Variants in ZNF148 observed in about 807,000 individuals in gnomAD.
ZNF148 encodes the protein zinc finger protein 148.
ZNF148 carries 7 observed loss-of-function variants against 67.7 expected under a neutral mutation model. That is an observed-to-expected ratio of 0.10 (90% CI 0.06 to 0.19). The LOEUF is 0.19. ZNF148 is among the 10% of genes least tolerant of loss of function. The pLI, the probability that ZNF148 is intolerant of heterozygous loss-of-function variation, is 1.00. For synonymous variants in ZNF148, 333 were observed against 330.7 expected (o/e 1.01, Z -0.08); for missense variants, 583 against 947.1 (o/e 0.62, Z 5.05).
chr3:125,356,837 C>G (rs1942358824), intron 1 of ZNF148: 2 of 152,170 alleles, frequency 1.3e-5, no homozygotes, highest in Admixed American at 1.3e-4. Flanking sequence ...AAGTTTGCCC[C>G]ACAGCCCAAT....
Position 125,230,507 on chromosome 3 carries a change from C to A in ZNF148, c.*1834G>T, listed in dbSNP as rs985127280. 1 of 152,394 alleles carries A rather than the reference C, an allele frequency of 6.6e-6. No homozygotes were observed. The allele number at this position is 152,394 out of a possible 1,614,324, so 9.4% of individuals were successfully genotyped here. On this transcript the variant is annotated 3_prime_UTR_variant, in exon 9 of 9. Transcript: ENST00000360647. ...CTTAATAACCAAAGTATACAGGAAA[C>A]CACATTAAATATAATTTATATTCCT...
At chr3:125,334,252 C>T (rs1941403176) in intron 1 of ZNF148, among the ~76,000 whole-genome samples, 1 of 152,170 alleles carries the variant, frequency 6.6e-6, no homozygotes, top group Non-Finnish European at 1.5e-5. Flanking sequence ...TTGTCATTAA[C>T]TCAGTCAACA....
At chr3:125,281,349 C>T (rs936036542) in intron 5 of ZNF148, among the ~76,000 whole-genome samples, 1 of 152,094 alleles carries the variant, frequency 6.6e-6, no homozygotes, top group Non-Finnish European at 1.5e-5. Flanking sequence ...GGAAAACACA[C>T]AAAATCTTTT....
rs1398597151 is a variant in ZNF148 at position 125,226,929 on chromosome 3, C to T, written c.*5412G>A. ...AAGTTTCATTGCAAAGCAACTGTCACCTGAGTAGATTTTAAAATTTAGTGC... is the reference window on the plus strand; with the variant it reads ...AAGTTTCATTGCAAAGCAACTGTCATCTGAGTAGATTTTAAAATTTAGTGC... On this transcript the variant is annotated 3_prime_UTR_variant, in exon 9 of 9. Transcript: ENST00000360647. 1 of 152,104 alleles carries T rather than the reference C, an allele frequency of 6.6e-6. No individual in the cohort carries two copies. The highest frequency in any genetic ancestry group is 1.5e-5 in the Non-Finnish European group (1 of 68,018). 9.4% of individuals were successfully genotyped at this position (152,104 alleles called of 1,614,324 possible).
chr3:125,366,671 T>G (rs1188314840), intron 1 of ZNF148, among the ~76,000 whole-genome samples: 1 of 152,222 alleles, frequency 6.6e-6, no homozygotes. Context: ...TAGATAGAAG[T>G]GTGACATGTA....
At chr3:125,314,763 A>G (rs575420459) in intron 3 of ZNF148, among the ~76,000 whole-genome samples, 4 of 152,338 alleles carry the variant, frequency 2.6e-5, no homozygotes, top group African/African-American at 9.6e-5. Context: ...GTTAAAATCT[A>G]AAGGTCAAAG....
chr3:125,316,370 G>A (rs970776014), intron 3 of ZNF148, among the ~76,000 whole-genome samples: 2 of 152,212 alleles, frequency 1.3e-5, no homozygotes, highest in Admixed American at 6.5e-5. Context: ...CCAGCAGTGC[G>A]ATTGCTAGAT....
In ZNF148 at chr3:125,226,423, G is replaced by C. The variant is rs187665832; in HGVS notation, c.*5918C>G. 1.2e-3 allele frequency: 181 copies of C among 152,470 alleles called. No individual in the cohort carries two copies. The highest frequency in any genetic ancestry group is 2.1e-3 in the Non-Finnish European group (143 of 68,006). The allele number at this position is 152,470 out of a possible 1,614,324, so 9.4% of individuals were successfully genotyped here. On this transcript the variant is annotated 3_prime_UTR_variant, in exon 9 of 9. Transcript: ENST00000360647. ...AGCCAGTGTCCACATTTAAAATGCA[G>C]AATTTGCAAATATTAGTCTAATAAT...
chr3:125,291,834 T>C (rs919519626), intron 4 of ZNF148, among the ~76,000 whole-genome samples: 1 of 152,014 alleles, frequency 6.6e-6, no homozygotes, highest in Non-Finnish European at 1.5e-5. Flanking sequence ...TACACAGCCA[T>C]ATAAAAAAAG....
At chr3:125,295,377 C>A (rs1432631049) in intron 4 of ZNF148, among the ~76,000 whole-genome samples, 1 of 151,566 alleles carries the variant, frequency 6.6e-6, no homozygotes, top group Non-Finnish European at 1.5e-5. Context: ...AGCTTGAACC[C>A]AGGTGGCAGA....
At chr3:125,246,193 G>C (rs1936590850) in intron 7 of ZNF148, among the ~76,000 whole-genome samples, 1 of 151,900 alleles carries the variant, frequency 6.6e-6, no homozygotes, top group African/African-American at 2.4e-5. Context: ...AATAATAAAG[G>C]GTCTTCATAA....
At chr3:125,306,574 C>T (rs1476977575) in intron 4 of ZNF148, among the ~76,000 whole-genome samples, 1 of 152,120 alleles carries the variant, frequency 6.6e-6, no homozygotes, top group Admixed American at 6.5e-5. Context: ...GAATAGCCTA[C>T]TTATGTTTTT....
rs140040656 is a variant in ZNF148 at position 125,240,020 on chromosome 3, C to T, written c.668-5691G>A. Among the ~76,000 whole-genome samples, 38 of 152,266 alleles carry T rather than the reference C, an allele frequency of 2.5e-4. No homozygotes were observed. In the East Asian group the frequency reaches 7.3e-3, roughly 29 times the overall value. On this transcript the variant is annotated intron_variant, in intron 7 of 8. Coordinates refer to ENST00000360647, the MANE Select transcript of ZNF148 (RefSeq NM_021964.3). The stretch of plus-strand genomic sequence containing the variant: ...ACACCAGATAGTGGTGATAGTTGTA[C>T]AACTCTGTGAACATACTAAAAACTA...
chr3:125,299,224 C>A (rs1224081866), intron 4 of ZNF148, among the ~76,000 whole-genome samples: 1 of 152,216 alleles, frequency 6.6e-6, no homozygotes, highest in Non-Finnish European at 1.5e-5. Flanking sequence ...CATACCCTGT[C>A]CTAAATGATT....
intron 1 of ZNF148, among the ~76,000 whole-genome samples, chr3:125,332,239 A>T (rs1941320299): frequency 6.6e-6 from 1 of 152,122 alleles, no homozygotes; most frequent in Non-Finnish European, 1.5e-5. Flanking sequence ...GTTACAAACA[A>T]AAAAAATCTA....
intron 1 of ZNF148, among the ~76,000 whole-genome samples, chr3:125,368,766 G>A (rs567698089): frequency 1.3e-5 from 2 of 152,040 alleles, no homozygotes; most frequent in South Asian, 2.1e-4. Flanking sequence ...CCAACACGGC[G>A]AAACCCCATC....
In ZNF148 at chr3:125,229,851, A is replaced by G. The variant is rs1334271929; in HGVS notation, c.*2490T>C. 1 of 152,514 alleles carries G rather than the reference A, an allele frequency of 6.6e-6. No homozygotes were observed. Among genetic ancestry groups the G allele is most frequent in the Non-Finnish European group, 1.5e-5 (1 of 68,028 alleles). 9.4% of individuals were successfully genotyped at this position (152,514 alleles called of 1,614,324 possible). ...AAACTGTTGAGATGTTTGTCATATT[A>G]TGATAGAACAAGGTAACTCTGGTAG... On this transcript the variant is annotated 3_prime_UTR_variant, in exon 9 of 9. Transcript: ENST00000360647.
intron 7 of ZNF148, among the ~76,000 whole-genome samples, chr3:125,272,683 A>G (rs1937819704): frequency 6.6e-6 from 1 of 152,136 alleles, no homozygotes; most frequent in Admixed American, 6.6e-5. Flanking sequence ...ACACATATAA[A>G]TGATCTCTTT....
intron 4 of ZNF148, among the ~76,000 whole-genome samples, chr3:125,310,475 C>T (rs1350043507): frequency 6.6e-6 from 1 of 151,896 alleles, no homozygotes; most frequent in African/African-American, 2.4e-5. Context: ...TAATGCAGTG[C>T]TTAGAGGAAA....
Sources: allele counts gnomAD v4.1 joint callset (sites outside exome capture counted in the v4.1 genomes callset), GRCh38; gene constraint gnomAD v4.1.1; transcripts MANE v1.5; gene names NCBI Gene and HGNC (gene_info 2026-07-23, HGNC 2026-07-21).